The following MDFIC2 variants were observed in gnomAD, a reference collection of about 807,000 sequenced individuals.
MDFIC2 encodes the protein MyoD family inhibitor domain containing 2.
intron 2 of MDFIC2, among the ~76,000 whole-genome samples, chr3:70,299,844 T>C (rs1403074): frequency 0.21 from 31,573 of 152,002 alleles, 3,484 homozygotes; most frequent in South Asian, 0.28. Context: ...TTCCCTTTGT[T>C]TAATAACATT....
chr3:70,219,959 G>A (rs1701447772), intron 2 of MDFIC2, among the ~76,000 whole-genome samples: 1 of 152,220 alleles, frequency 6.6e-6, no homozygotes, highest in Middle Eastern at 3.4e-3. Flanking sequence ...CAATTTCTGA[G>A]AGTGTGCTCC....
chr3:70,213,435 T>C (rs978246381), intron 2 of MDFIC2, among the ~76,000 whole-genome samples: 1 of 152,152 alleles, frequency 6.6e-6, no homozygotes, highest in African/African-American at 2.4e-5. Context: ...ATTTCAAACG[T>C]ATAGACCATT....
chr3:70,229,701 C>A (rs937689051), intron 2 of MDFIC2, among the ~76,000 whole-genome samples: 1 of 152,072 alleles, frequency 6.6e-6, no homozygotes, highest in Non-Finnish European at 1.5e-5. Context: ...AATGACAGAG[C>A]CACAAAATAG....
intron 2 of MDFIC2, among the ~76,000 whole-genome samples, chr3:70,252,602 T>TA (rs1701779827): frequency 6.6e-6 from 1 of 152,176 alleles, no homozygotes; most frequent in Admixed American, 6.5e-5. Flanking sequence ...ATATCCATGG[T>TA]AAACCGGAGA....
At chr3:70,244,401 G>A (rs1401044648) in intron 2 of MDFIC2, among the ~76,000 whole-genome samples, 2 of 152,176 alleles carry the variant, frequency 1.3e-5, no homozygotes, top group African/African-American at 4.8e-5. Context: ...TGTCAAAAGG[G>A]CATTCTATTT....
rs140723501 is a variant in MDFIC2 at position 70,195,116 on chromosome 3, C to G, written c.*1810G>C. Among the ~76,000 whole-genome samples, 174 of 152,250 alleles carry G rather than the reference C, an allele frequency of 1.1e-3. 1 individual carries two copies. The highest frequency in any genetic ancestry group is 2.5e-3 in the South Asian group (12 of 4,828). On this transcript the variant is annotated 3_prime_UTR_variant, in exon 4 of 4. Coordinates refer to ENST00000567252, the MANE Select transcript of MDFIC2 (RefSeq NM_001364677.1). The stretch of plus-strand genomic sequence containing the variant: ...CACTGCCAATAATTCACTGTGTGGT[C>G]TTGAATAAGTCAGTTCATGGGGCCT...
chr3:70,245,947 C>T (rs1186671971), intron 2 of MDFIC2, among the ~76,000 whole-genome samples: 2 of 151,048 alleles, frequency 1.3e-5, no homozygotes, highest in African/African-American at 4.9e-5. Context: ...GCTCTTCCTG[C>T]CTGCTTTGTT....
chr3:70,236,739 GTGCA>G (rs935925485), intron 2 of MDFIC2, among the ~76,000 whole-genome samples: 2 of 152,052 alleles, frequency 1.3e-5, no homozygotes, highest in Non-Finnish European at 2.9e-5. Context: ...GGGACCACTG[GTGCA>G]TGCCACCATG....
chr3:70,276,007 T>C (rs1304569675), intron 2 of MDFIC2, among the ~76,000 whole-genome samples: 2 of 152,116 alleles, frequency 1.3e-5, no homozygotes, highest in Non-Finnish European at 2.9e-5. Flanking sequence ...CAATAAACTT[T>C]TAAAAATATT....
intron 2 of MDFIC2, among the ~76,000 whole-genome samples, chr3:70,235,536 T>G (rs189829905): frequency 3.2e-4 from 48 of 152,340 alleles, no homozygotes; most frequent in Admixed American, 3.0e-3. Context: ...ATCAATGATC[T>G]GTAATCAGTT....
intron 2 of MDFIC2, among the ~76,000 whole-genome samples, chr3:70,213,772 G>T (rs895222095): frequency 6.6e-6 from 1 of 152,050 alleles, no homozygotes; most frequent in Non-Finnish European, 1.5e-5. Flanking sequence ...TAAAATACAG[G>T]AAATCATTCA....
intron 3 of MDFIC2, chr3:70,205,168 A>G (rs1165672985): frequency 1.3e-5 from 2 of 152,140 alleles, no homozygotes; most frequent in Admixed American, 6.6e-5. Flanking sequence ...GAAATTTTAC[A>G]TAACACTCCT....
chr3:70,293,889 C>T (rs551854718), intron 2 of MDFIC2, among the ~76,000 whole-genome samples: 1 of 151,946 alleles, frequency 6.6e-6, no homozygotes, highest in Admixed American at 6.6e-5. Context: ...TTTTGTGTTA[C>T]ATGTTGAAGC....
intron 3 of MDFIC2, among the ~76,000 whole-genome samples, chr3:70,201,157 G>A (rs557611113): frequency 6.6e-6 from 1 of 152,086 alleles, no homozygotes; most frequent in East Asian, 1.9e-4. Flanking sequence ...CAGGTATTAA[G>A]TCTAGTACTC....
At chr3:70,267,081 A>G (rs1265611985) in intron 2 of MDFIC2, among the ~76,000 whole-genome samples, 1 of 152,082 alleles carries the variant, frequency 6.6e-6, no homozygotes, top group African/African-American at 2.4e-5. Flanking sequence ...AAGTTGGGTC[A>G]CTCCCCAAAA....
chr3:70,209,001 T>C lies in MDFIC2; in HGVS notation c.89-2211A>G, dbSNP rs74875618. ...ATTGAAGTGGAATCAGCCCTACAGA[T>C]GAGAGAACACTAGGCTTCCTCTAAC... On this transcript the variant is annotated intron_variant, in intron 2 of 3. Coordinates refer to ENST00000567252, the MANE Select transcript of MDFIC2 (RefSeq NM_001364677.1). 2.5e-3 allele frequency among the ~76,000 whole-genome samples: 385 copies of C among 152,174 alleles called. 2 individuals are homozygous for C. The highest frequency in any genetic ancestry group is 9.1e-3 in the African/African-American group (377 of 41,542).
intron 2 of MDFIC2, among the ~76,000 whole-genome samples, chr3:70,306,327 G>C (rs1056897407): frequency 9.9e-5 from 15 of 152,204 alleles, no homozygotes; most frequent in African/African-American, 3.6e-4. Context: ...TGGCCAGGCT[G>C]GTCTCAAACT....
chr3:70,234,826 G>C (rs982730174), intron 2 of MDFIC2, among the ~76,000 whole-genome samples: 7 of 152,130 alleles, frequency 4.6e-5, no homozygotes, highest in African/African-American at 1.7e-4. Context: ...TGCTGCTTAA[G>C]ATGTCATCAC....
chr3:70,233,394 G>A (rs1482743471), intron 2 of MDFIC2, among the ~76,000 whole-genome samples: 2 of 152,076 alleles, frequency 1.3e-5, no homozygotes, highest in Non-Finnish European at 2.9e-5. Context: ...CACAATACAG[G>A]TATCTAATAT....
Sources: allele counts gnomAD v4.1 joint callset (sites outside exome capture counted in the v4.1 genomes callset), GRCh38; gene constraint gnomAD v4.1.1; transcripts MANE v1.5; gene names NCBI Gene and HGNC (gene_info 2026-07-23, HGNC 2026-07-21).